Variants in FAAP20 observed in about 807,000 individuals in gnomAD.
The protein encoded by FAAP20 is FA core complex associated protein 20.
Under a neutral mutation model 16.2 loss-of-function variants are expected in FAAP20, and 12 were observed. The ratio of observed to expected loss-of-function variants is 0.74; its 90% CI spans 0.48 to 1.20. FAAP20 has a LOEUF of 1.20. FAAP20 is among the 50% of genes most tolerant of loss of function. The pLI is 0.00. For synonymous variants in FAAP20, 141 were observed against 110.7 expected (o/e 1.27, Z -1.72); for missense variants, 288 against 245.8 (o/e 1.17, Z -1.15).
intron 1 of FAAP20, 37 bp downstream of exon 1, chr1:2,194,650 GA>G: frequency 9.5e-7 from 1 of 1,054,460 alleles, no homozygotes; most frequent in Non-Finnish European, 1.2e-6. Flanking sequence ...GTGGGAGCGG[GA>G]AAACCGGCCG....
downstream of FAAP20, chr1:2,189,503 G>A: frequency 3.3e-6 from 2 of 602,444 alleles, no homozygotes; most frequent in Non-Finnish European, 6.0e-6. Context: ...TTGCACTGCA[G>A]TGAATCTGCC....
At chr1:2,186,502 C>G (rs543148783), downstream of FAAP20, among the ~76,000 whole-genome samples, 275 of 149,724 alleles carry the variant, frequency 1.8e-3, 16 homozygotes, top group South Asian at 4.8e-3. Flanking sequence ...ACCCGCCCCC[C>G]CCCGGCCAGC....
chr1:2,189,938 G>C (rs892662307), intron 3 of FAAP20, 157 bp from the exon 4 acceptor site: 43 of 660,600 alleles, frequency 6.5e-5, no homozygotes, highest in Non-Finnish European at 1.0e-4. Flanking sequence ...TCATGCACCC[G>C]GCAGACCACG....
chr1:2,211,057 C>T (rs72637878), downstream of FAAP20, among the ~76,000 whole-genome samples: 2,375 of 152,228 alleles, frequency 0.016, 25 homozygotes, highest in Non-Finnish European at 0.025. Context: ...GGTGTTCTGA[C>T]AGACTCACTC....
chr1:2,212,530 C>G (rs923549834), intron 1 of FAAP20: 1 of 160,954 alleles, frequency 6.2e-6, no homozygotes, highest in Non-Finnish European at 1.4e-5. Context: ...CCCCCACCCC[C>G]GGCCCCAGGC....
At chr1:2,202,216 G>C (rs532460224), upstream of FAAP20, among the ~76,000 whole-genome samples, 141 of 152,234 alleles carry the variant, frequency 9.3e-4, 3 homozygotes, top group Admixed American at 6.9e-3. Flanking sequence ...CTTGGCCCAG[G>C]GCTGCTCTCC....
At chr1:2,188,472 G>C (rs1241936385), downstream of FAAP20, among the ~76,000 whole-genome samples, 1 of 152,220 alleles carries the variant, frequency 6.6e-6, no homozygotes, top group Non-Finnish European at 1.5e-5. Context: ...CCAGAGGACG[G>C]CCCTCTTCTG....
At chr1:2,212,664 C>A (rs1215435788), upstream of FAAP20, 1 of 271,384 alleles carries the variant, frequency 3.7e-6, no homozygotes, top group Non-Finnish European at 7.3e-6. Context: ...AATAGCAAAC[C>A]CAAAAGGGTG....
upstream of FAAP20, chr1:2,201,167 G>T (rs530781260): frequency 1.6e-6 from 2 of 1,269,082 alleles, no homozygotes; most frequent in South Asian, 1.3e-5. Context: ...TCTGAGTGAC[G>T]TGCAGACCTT....
At chr1:2,196,125 TCAGA>T (rs1370673526), upstream of FAAP20, among the ~76,000 whole-genome samples, 2 of 152,170 alleles carry the variant, frequency 1.3e-5, no homozygotes, top group African/African-American at 2.4e-5. The surrounding 1 kb of genome is among the most constrained non-coding windows in gnomAD (Gnocchi z 4.5). Flanking sequence ...CCAAGCGCTC[TCAGA>T]CAGCCAGTGT....
intron 1 of FAAP20, 130 bp from the exon 2 acceptor site, chr1:2,194,263 G>T: frequency 7.7e-7 from 1 of 1,300,704 alleles, no homozygotes; most frequent in Non-Finnish European, 1.0e-6. Context: ...GATGGTGCGG[G>T]AGGTGGCCGG....
In FAAP20 at chr1:2,192,943, C is replaced by G. The variant is rs113874353; in HGVS notation, c.470+696G>C. 1.5e-5 allele frequency: 20 copies of G among 1,303,930 alleles called. No homozygotes were observed. In the African/African-American group the frequency reaches 3.0e-4, roughly 20 times the overall value. The allele number at this position is 1,303,930 out of a possible 1,614,324, so 80.8% of individuals were successfully genotyped here. ...GTTGTTGGCTGCCAACTTTGGACTC[C>G]GGTGCCTTCGCATTCCCGAGCTGTT... On this transcript the variant is annotated intron_variant, in intron 3 of 3. Coordinates refer to ENST00000378546, the MANE Select transcript of FAAP20 (RefSeq NM_182533.4).
chr1:2,197,700 G>T (rs1688880071), upstream of FAAP20, among the ~76,000 whole-genome samples: 1 of 152,200 alleles, frequency 6.6e-6, no homozygotes, highest in Non-Finnish European at 1.5e-5. Context: ...TCCTCCTGGG[G>T]GCTCTTCCCC....
downstream of FAAP20, chr1:2,185,460 AG>A (rs757576583): frequency 2.8e-6 from 2 of 718,424 alleles, no homozygotes; most frequent in African/African-American, 1.7e-5. Context: ...ACCCACACGT[AG>A]GGGGGCAGCT....
downstream of FAAP20, chr1:2,184,633 C>A (rs775616525): frequency 1.1e-5 from 17 of 1,614,012 alleles, no homozygotes; most frequent in East Asian, 3.6e-4. Flanking sequence ...TCACAGACGA[C>A]TACGGTCTGG....
chr1:2,201,033 T>C, upstream of FAAP20: 1 of 1,287,810 alleles, frequency 7.8e-7, no homozygotes, highest in Non-Finnish European at 1.0e-6. Context: ...CCCTGCACCT[T>C]CCAGGACCCA....
chr1:2,193,997 C>A lies in FAAP20; in HGVS notation c.198+1G>T. 1 of 1,612,696 alleles carries A rather than the reference C, an allele frequency of 6.2e-7. No homozygotes were observed. The highest frequency in any genetic ancestry group is 8.5e-7 in the Non-Finnish European group (1 of 1,179,942). On this transcript the variant is annotated splice_donor_variant, in intron 2 of 3. Transcript: ENST00000378546. LOFTEE classifies it high-confidence loss of function. ...CGCTAAGATGGGCCCAGTGGGCACA[C>A]CTGTCCTGGGAAGGCGGGCAGTGAA... is the stretch of plus-strand genomic sequence containing the variant.
chr1:2,189,624 C>T lies in FAAP20; in HGVS notation c.*85G>A, dbSNP rs1687931797. 6 of 1,045,662 alleles carry T rather than the reference C, an allele frequency of 5.7e-6. No homozygotes were observed. The highest frequency in any genetic ancestry group is 8.3e-6 in the Non-Finnish European group (6 of 723,104). The allele number at this position is 1,045,662 out of a possible 1,614,324, so 64.8% of individuals were successfully genotyped here. ...GCGGGGGAGCCGAGAGGCGGGGCTG[C>T]TGGCGGGGGAGCCGAGAGGCGGGGC... On this transcript the variant is annotated 3_prime_UTR_variant, in exon 4 of 4. Transcript: ENST00000378546.
upstream of FAAP20, chr1:2,198,019 G>T (rs41315340): frequency 6.1e-3 from 7,855 of 1,290,878 alleles, 32 homozygotes; most frequent in Non-Finnish European, 7.0e-3. Context: ...TGTCCTGCCT[G>T]TCCTCAAGTT....
Sources: gnomAD v4.1 joint callset for allele counts (sites outside exome capture counted in the v4.1 genomes callset) on GRCh38, gnomAD v4.1.1 for gene constraint, Gnocchi (gnomAD v3.1) non-coding constraint, MANE v1.5 for transcripts, NCBI Gene and HGNC (gene_info 2026-07-23, HGNC 2026-07-21) for gene names.